NRCAM: variants seen among roughly 807,000 people sequenced by gnomAD.
The protein encoded by NRCAM is neuronal cell adhesion molecule.
A neutral mutation model predicts 156.5 loss-of-function variants in NRCAM; 83 were observed. The observed-to-expected ratio is 0.53, with a 90% CI of 0.44 to 0.64. NRCAM has a LOEUF of 0.64. NRCAM is among the 30% of genes least tolerant of loss of function. The probability of loss-of-function intolerance (pLI) is 0.00; values close to 1 mark genes in which losing one functional copy is unlikely to be tolerated. For missense variants in NRCAM, 1,417 were observed against 1,597.3 expected (o/e 0.89, Z 1.92); for synonymous variants, 538 against 563.9 (o/e 0.95, Z 0.65).
chr7:108,196,099 G>C (rs2074913424), intron 14 of NRCAM, among the ~76,000 whole-genome samples: 1 of 152,044 alleles, frequency 6.6e-6, no homozygotes, highest in Admixed American at 6.6e-5. Flanking sequence ...ACATCATTTT[G>C]GTTGTTGATT....
At chr7:108,419,780 A>C (rs1284570822) in intron 1 of NRCAM, among the ~76,000 whole-genome samples, 10 of 152,182 alleles carry the variant, frequency 6.6e-5, no homozygotes, top group Middle Eastern at 3.2e-3. Context: ...AAATAACTTA[A>C]ATTTTCACTA....
chr7:108,323,969 G>T (rs1048411301), intron 2 of NRCAM, among the ~76,000 whole-genome samples: 4 of 152,060 alleles, frequency 2.6e-5, no homozygotes, highest in African/African-American at 4.8e-5. Flanking sequence ...CTCTTTGCCT[G>T]TCTTAGAACA....
intron 1 of NRCAM, among the ~76,000 whole-genome samples, chr7:108,435,598 T>C (rs991502390): frequency 2.0e-5 from 3 of 152,178 alleles, no homozygotes; most frequent in African/African-American, 4.8e-5. Context: ...CACTGGGTCC[T>C]GGCTGAGGGT....
intron 3 of NRCAM, among the ~76,000 whole-genome samples, chr7:108,270,234 T>C (rs1273721737): frequency 1.3e-5 from 2 of 152,218 alleles, no homozygotes. Flanking sequence ...CCAATCATTG[T>C]TTCTGGTACA....
intron 3 of NRCAM, among the ~76,000 whole-genome samples, chr7:108,263,176 TCA>T (rs2096948971): frequency 6.6e-6 from 1 of 152,188 alleles, no homozygotes; most frequent in African/African-American, 2.4e-5. Context: ...CAATTTCATC[TCA>T]GTCTCTAGAT....
chr7:108,222,655 A>G (rs2092644062), intron 11 of NRCAM, among the ~76,000 whole-genome samples: 4 of 152,030 alleles, frequency 2.6e-5, no homozygotes, highest in African/African-American at 9.7e-5. Flanking sequence ...GCATAGTATG[A>G]TTTCCTGCCT....
chr7:108,368,454 CG>C (rs2099607641), intron 2 of NRCAM, among the ~76,000 whole-genome samples: 1 of 151,786 alleles, frequency 6.6e-6, no homozygotes, highest in Admixed American at 6.6e-5. Context: ...AAATCTTTTC[CG>C]TTGAAAAAGA....
chr7:108,411,618 C>T (rs1795416867), intron 1 of NRCAM, among the ~76,000 whole-genome samples: 1 of 152,162 alleles, frequency 6.6e-6, no homozygotes, highest in African/African-American at 2.4e-5. Flanking sequence ...CAACCTCTGC[C>T]TCCTGGGTTC....
chr7:108,352,172 A>G (rs1258902395), intron 2 of NRCAM, among the ~76,000 whole-genome samples: 2 of 152,218 alleles, frequency 1.3e-5, no homozygotes, highest in African/African-American at 4.8e-5. Context: ...AAAAGCTTAC[A>G]AATTTAGGTT....
intron 1 of NRCAM, among the ~76,000 whole-genome samples, chr7:108,427,414 C>A (rs1266626100): frequency 3.9e-5 from 6 of 152,166 alleles, no homozygotes; most frequent in Non-Finnish European, 8.8e-5. Context: ...ACAGGTGTTT[C>A]ATAAATATTT....
At chr7:108,302,520 G>A (rs1173642434) in intron 3 of NRCAM, among the ~76,000 whole-genome samples, 1 of 152,144 alleles carries the variant, frequency 6.6e-6, no homozygotes, top group Non-Finnish European at 1.5e-5. Flanking sequence ...AACAAATTAT[G>A]TCTCAAATAA....
intron 2 of NRCAM, among the ~76,000 whole-genome samples, chr7:108,387,081 T>C (rs1308366464): frequency 1.3e-5 from 2 of 152,136 alleles, no homozygotes; most frequent in Non-Finnish European, 2.9e-5. Context: ...AAATTTCCAA[T>C]ATCCTCCTCA....
intron 1 of NRCAM, among the ~76,000 whole-genome samples, chr7:108,455,290 G>A (rs902289850): frequency 6.6e-6 from 1 of 152,140 alleles, no homozygotes; most frequent in African/African-American, 2.4e-5. Flanking sequence ...GCGCCCACCC[G>A]CGCGGCGTGG....
rs1014817112 is a variant in NRCAM at position 108,176,479 on chromosome 7, T to C, written c.3102A>G (p.Ala1034=). 5.0e-6 allele frequency: 8 copies of C among 1,613,718 alleles called. No homozygotes were observed. Among genetic ancestry groups the C allele is most frequent in the East Asian group, 4.5e-5 (2 of 44,820 alleles). Residue 1034 remains alanine, a synonymous_variant, in exon 27 of 33, where the codon GCA becomes GCG. Transcript: ENST00000379028. ...YKFYFYAQTS[A]GSGSQITEEA... is the part of the protein sequence containing the mutation. ...CCTCTGTAATTTGACTTCCTGATCCTGCTGATGTTTGTGCATAGAAATAAA... is the reference window on the plus strand; with the variant it reads ...CCTCTGTAATTTGACTTCCTGATCCCGCTGATGTTTGTGCATAGAAATAAA...
chr7:108,426,896 T>C lies in NRCAM; in HGVS notation c.-331-27303A>G, dbSNP rs73189248. 3.8e-3 allele frequency among the ~76,000 whole-genome samples: 580 copies of C among 152,346 alleles called. 2 individuals are homozygous for C. Among genetic ancestry groups the C allele is most frequent in the Non-Finnish European group, 6.3e-3 (431 of 68,030 alleles). On this transcript the variant is annotated intron_variant, in intron 1 of 32. Transcript: ENST00000379028. ...CAGTTTACTATTCCTTGAACAACGC[T>C]TTCATCATCTTAGTTATTGAATCAA...
At chr7:108,205,183 A>T (rs7784186) in intron 13 of NRCAM, among the ~76,000 whole-genome samples, 35,491 of 152,068 alleles carry the variant, frequency 0.23, 4,371 homozygotes, top group Non-Finnish European at 0.27. Flanking sequence ...GCTGTTCTAA[A>T]GGTCTTGAGG....
chr7:108,184,401 C>T lies in NRCAM; in HGVS notation c.2233+16G>A, dbSNP rs372069673. ...ATTATATTTCGTACCCTAGAAGTCC[C>T]GCTTTCCCGCTTTACCTGAGGCTTT... On this transcript the variant is annotated intron_variant, in intron 21 of 32. Coordinates refer to ENST00000379028, the MANE Select transcript of NRCAM (RefSeq NM_001037132.4). 35 of 1,614,028 alleles carry T rather than the reference C, an allele frequency of 2.2e-5. No individual in the cohort carries two copies. The highest frequency in any genetic ancestry group is 1.7e-4 in the Admixed American group (10 of 60,020).
chr7:108,344,469 A>C (rs1406347987), intron 2 of NRCAM, among the ~76,000 whole-genome samples: 1 of 150,882 alleles, frequency 6.6e-6, no homozygotes, highest in African/African-American at 2.4e-5. Context: ...CTCTGTTTTC[A>C]CTCTATTAAA....
intron 17 of NRCAM, 131 bp downstream of exon 17, chr7:108,193,893 T>C: frequency 2.4e-6 from 2 of 830,142 alleles, no homozygotes; most frequent in Non-Finnish European, 3.7e-6. Flanking sequence ...AAAATGCTTA[T>C]CTCTCTATTT....
Sources: allele counts gnomAD v4.1 joint callset (sites outside exome capture counted in the v4.1 genomes callset), GRCh38; gene constraint gnomAD v4.1.1; transcripts MANE v1.5; gene names NCBI Gene and HGNC (gene_info 2026-07-23, HGNC 2026-07-21).